SP140L: variants seen among roughly 807,000 people sequenced by gnomAD.
The protein encoded by SP140L is SP140 like nuclear body protein, also known as nuclear body protein SP140-like protein.
A neutral mutation model predicts 84.3 loss-of-function variants in SP140L; 64 were observed. The observed-to-expected ratio is 0.76, with a 90% CI of 0.62 to 0.94. The LOEUF is 0.94. Ranked by LOEUF, SP140L falls within the 40% of genes least tolerant of loss-of-function variation. The pLI is 0.00. For missense variants in SP140L, 628 were observed against 692.5 expected, an observed-to-expected ratio of 0.91 and a Z score of 1.05; for synonymous variants, 242 against 236.9, an observed-to-expected ratio of 1.02 and a Z score of -0.20.
intron 2 of SP140L, among the ~76,000 whole-genome samples, chr2:230,353,350 A>C (rs1270039013): frequency 1.3e-5 from 2 of 152,020 alleles, no homozygotes; most frequent in African/African-American, 4.8e-5. Context: ...CTAAATATTG[A>C]TAATGTGTTC....
intron 2 of SP140L, among the ~76,000 whole-genome samples, chr2:230,354,133 A>G (rs2060446547): frequency 6.6e-6 from 1 of 152,156 alleles, no homozygotes; most frequent in Non-Finnish European, 1.5e-5. Context: ...CTCCTGGGGT[A>G]ACTTTTTCCT....
At chr2:230,386,024 C>T (rs1047993148) in intron 9 of SP140L, among the ~76,000 whole-genome samples, 1 of 152,154 alleles carries the variant, frequency 6.6e-6, no homozygotes, top group African/African-American at 2.4e-5. Context: ...CAATCACTAG[C>T]TCTTTCTTCC....
At chr2:230,358,033 G>C in intron 3 of SP140L, 66 bp downstream of exon 3, 1 of 1,565,834 alleles carries the variant, frequency 6.4e-7, no homozygotes, top group Non-Finnish European at 8.7e-7. Flanking sequence ...TTCTGTAAGT[G>C]CTCCTGTAAA....
In SP140L at chr2:230,343,458, C is replaced by A. The variant is rs913365658; in HGVS notation, c.108-14347C>A. 3.4e-5 allele frequency among the ~76,000 whole-genome samples: 5 copies of A among 147,350 alleles called. 1 individual carries two copies. Among genetic ancestry groups the A allele is most frequent in the Non-Finnish European group, 3.0e-5 (2 of 66,586 alleles). Reference sequence around the variant, plus strand: ...ATAGTATTCCATGGTGTATGTGTACCACATTTTCTTTATCCAGTCTATCAT... The same window carrying A: ...ATAGTATTCCATGGTGTATGTGTACAACATTTTCTTTATCCAGTCTATCAT... On this transcript the variant is annotated intron_variant, in intron 2 of 18. Coordinates refer to ENST00000415673, the MANE Select transcript of SP140L (RefSeq NM_138402.6).
chr2:230,347,186 T>C (rs1366904237), intron 2 of SP140L, among the ~76,000 whole-genome samples: 2 of 152,126 alleles, frequency 1.3e-5, no homozygotes, highest in Non-Finnish European at 2.9e-5. Flanking sequence ...CTGTATGGTT[T>C]GTTGAGTGTT....
intron 13 of SP140L, among the ~76,000 whole-genome samples, chr2:230,394,053 T>C (rs112846710): frequency 2.2e-4 from 33 of 152,362 alleles, no homozygotes; most frequent in African/African-American, 7.5e-4. Flanking sequence ...GGAAATTATT[T>C]ACCTTTGTCA....
At chr2:230,383,248 C>T (rs987120413) in intron 7 of SP140L, among the ~76,000 whole-genome samples, 1 of 152,116 alleles carries the variant, frequency 6.6e-6, no homozygotes, top group African/African-American at 2.4e-5. Flanking sequence ...AAGGTGCCAG[C>T]AAGAGTTAAT....
chr2:230,385,151 T>G (rs1419468452), intron 8 of SP140L, 73 bp from the exon 9 acceptor site: 3 of 1,474,690 alleles, frequency 2.0e-6, no homozygotes, highest in Non-Finnish European at 2.8e-6. Flanking sequence ...ACTCCCTCAC[T>G]TGCGTTTGGT....
chr2:230,356,225 A>C, intron 2 of SP140L, among the ~76,000 whole-genome samples: 1 of 152,186 alleles, frequency 6.6e-6, no homozygotes, highest in East Asian at 1.9e-4. Context: ...ACTCTTACAC[A>C]ATGACCCAGT....
At chr2:230,401,880 T>C (rs2062357703) in intron 18 of SP140L, 73 bp downstream of exon 18, 1 of 1,586,196 alleles carries the variant, frequency 6.3e-7, no homozygotes, top group African/African-American at 1.4e-5. Context: ...TAGAAAAATT[T>C]AGTTTCCCTC....
In SP140L at chr2:230,403,721, TC is replaced by T. The variant is rs1391366557; in HGVS notation, c.*827del. ...CAAACATATATTATTAAATTTTTTT[TC>T]CTCCTGTCAATCTACTTATGTCAAT... On this transcript the variant is annotated 3_prime_UTR_variant, in exon 19 of 19. Transcript: ENST00000415673. 1.5e-4 allele frequency: 23 copies of T among 152,228 alleles called. No homozygotes were observed. The highest frequency in any genetic ancestry group is 1.4e-3 in the Admixed American group (21 of 15,286). The allele number at this position is 152,228 out of a possible 1,614,324, so 9.4% of individuals were successfully genotyped here.
intron 12 of SP140L, 55 bp downstream of exon 12, chr2:230,392,284 T>A: frequency 6.3e-7 from 1 of 1,596,880 alleles, no homozygotes; most frequent in East Asian, 2.2e-5. Flanking sequence ...TCCCTAATAA[T>A]GAGGAGACTG....
chr2:230,389,855 C>T (rs12694859), intron 10 of SP140L, 64 bp from the exon 11 acceptor site: 382,025 of 1,460,412 alleles, frequency 0.26, 54,624 homozygotes, highest in Non-Finnish European at 0.3. Flanking sequence ...TAGGATTTAC[C>T]TCAGTGGGAA....
intron 2 of SP140L, among the ~76,000 whole-genome samples, chr2:230,344,035 G>A (rs2060140627): frequency 6.6e-6 from 1 of 152,096 alleles, no homozygotes; most frequent in Non-Finnish European, 1.5e-5. Flanking sequence ...TATCTATCAG[G>A]TCTACTTAAT....
chr2:230,334,662 A>G (rs1168734972), intron 2 of SP140L, among the ~76,000 whole-genome samples: 1 of 152,078 alleles, frequency 6.6e-6, no homozygotes, highest in Non-Finnish European at 1.5e-5. Context: ...CTTGATGTTG[A>G]TAGCGAAACT....
intron 7 of SP140L, among the ~76,000 whole-genome samples, chr2:230,379,232 G>C (rs940128869): frequency 9.9e-5 from 15 of 152,048 alleles, no homozygotes; most frequent in African/African-American, 3.4e-4. Context: ...GATTCCAGAT[G>C]TATATGGACC....
chr2:230,343,134 G>T (rs2060109494), intron 2 of SP140L, among the ~76,000 whole-genome samples: 1 of 149,044 alleles, frequency 6.7e-6, no homozygotes, highest in Admixed American at 6.7e-5. Flanking sequence ...GGATGTGCAG[G>T]TTTGTTACAT....
chr2:230,355,017 T>G (rs770532261), intron 2 of SP140L, among the ~76,000 whole-genome samples: 1 of 152,102 alleles, frequency 6.6e-6, no homozygotes, highest in Non-Finnish European at 1.5e-5. Context: ...TTAGTGATAT[T>G]GCTAGTTGCT....
chr2:230,376,775 A>C (rs894817138), intron 7 of SP140L, among the ~76,000 whole-genome samples: 1 of 152,180 alleles, frequency 6.6e-6, no homozygotes, highest in Non-Finnish European at 1.5e-5. Context: ...GTAATCTTGA[A>C]AAAAAGGAAC....
Sources: gnomAD v4.1 joint callset for allele counts (sites outside exome capture counted in the v4.1 genomes callset) on GRCh38, gnomAD v4.1.1 for gene constraint, MANE v1.5 for transcripts, NCBI Gene and HGNC (gene_info 2026-07-23, HGNC 2026-07-21) for gene names.